CHST9: variants seen among roughly 807,000 people sequenced by gnomAD.
The protein encoded by CHST9 is carbohydrate sulfotransferase 9, also known as GalNAc-4-sulfotransferase 2.
CHST9 carries 41 observed loss-of-function variants against 44.4 expected under a neutral mutation model. That is an observed-to-expected ratio of 0.92 (90% CI 0.72 to 1.20). CHST9 has a LOEUF of 1.20. CHST9 is among the 50% of genes most tolerant of loss of function. The pLI is 0.00. For missense variants in CHST9, 504 were observed against 516.5 expected, an observed-to-expected ratio of 0.98 and a Z score of 0.23; for synonymous variants, 171 against 178.4, an observed-to-expected ratio of 0.96 and a Z score of 0.33.
At chr18:27,040,465 C>A (rs147018697) in intron 3 of CHST9, among the ~76,000 whole-genome samples, 26 of 152,246 alleles carry the variant, frequency 1.7e-4, no homozygotes, top group East Asian at 1.5e-3. Flanking sequence ...TGGTGTCCCC[C>A]ACAACAGGTA....
intron 2 of CHST9, among the ~76,000 whole-genome samples, chr18:27,115,900 C>T (rs2058315493): frequency 2.0e-5 from 3 of 152,182 alleles, no homozygotes. Flanking sequence ...ACTAACAATG[C>T]TGAACACCTT....
chr18:27,141,591 C>CAAA (rs34920055), intron 2 of CHST9, among the ~76,000 whole-genome samples: 168 of 49,922 alleles, frequency 3.4e-3, no homozygotes, highest in Middle Eastern at 0.019. Context: ...AATCCCGACT[C>CAAA]AAAAAAAAAA....
chr18:27,112,013 C>A (rs62082887), intron 2 of CHST9, among the ~76,000 whole-genome samples: 49,533 of 151,400 alleles, frequency 0.33, 8,405 homozygotes, highest in East Asian at 0.49. Flanking sequence ...CACTCCATAA[C>A]TGTTGTGAGC....
At chr18:26,938,166 C>G (rs1237176588) in intron 5 of CHST9, among the ~76,000 whole-genome samples, 1 of 152,036 alleles carries the variant, frequency 6.6e-6, no homozygotes, top group East Asian at 1.9e-4. Flanking sequence ...ATCTAGATAC[C>G]TTTCCACAGG....
At chr18:27,182,745 A>G (rs184593798) in intron 1 of CHST9, among the ~76,000 whole-genome samples, 158 of 152,302 alleles carry the variant, frequency 1.0e-3, no homozygotes, top group Non-Finnish European at 1.7e-3. Context: ...TCTGCTGATT[A>G]CATCCCAACT....
intron 2 of CHST9, among the ~76,000 whole-genome samples, chr18:27,054,716 C>A (rs920220532): frequency 3.3e-5 from 5 of 152,046 alleles, no homozygotes; most frequent in African/African-American, 1.2e-4. Flanking sequence ...ACATAAATGG[C>A]AATTTGATGC....
intron 4 of CHST9, among the ~76,000 whole-genome samples, chr18:26,967,620 T>G (rs974904432): frequency 3.3e-5 from 5 of 152,222 alleles, no homozygotes; most frequent in African/African-American, 4.8e-5. Context: ...GCAAGTATAT[T>G]CTATCGGTTA....
intron 2 of CHST9, among the ~76,000 whole-genome samples, chr18:27,133,853 G>A (rs534047464): frequency 6.6e-6 from 1 of 152,240 alleles, no homozygotes; most frequent in East Asian, 1.9e-4. Flanking sequence ...CGTGACATGG[G>A]AATAATCACA....
intron 1 of CHST9, among the ~76,000 whole-genome samples, chr18:27,184,661 G>A (rs1008714261): frequency 6.6e-6 from 1 of 152,136 alleles, no homozygotes; most frequent in Non-Finnish European, 1.5e-5. Context: ...CCGCAGCAGA[G>A]ATGCTCGTCT....
At position 26,917,025 on chromosome 18, in the gene CHST9, T is replaced by C. The variant is rs2055543001; in HGVS notation, c.566A>G (p.Tyr189Cys). The change falls in exon 6 of 6, where the codon TAC becomes TGC. Residue 189 changes from tyrosine (Y) to cysteine (C), a missense_variant. Tyr to Cys is a radical substitution (Grantham distance 194). Coordinates refer to ENST00000618847, the MANE Select transcript of CHST9 (RefSeq NM_031422.6). ...RSFLQEFCKK[Y>C]GGVSHHQSHL... is the part of the protein sequence containing the mutation. Reference sequence around the variant, plus strand: ...TGACTGATGATGACTCACCCCACCGTATTTCTTGCAAAACTCCTGAAGGAA... The same window carrying C: ...TGACTGATGATGACTCACCCCACCGCATTTCTTGCAAAACTCCTGAAGGAA... 6.2e-7 allele frequency: 1 copy of C among 1,613,986 alleles called. No homozygotes were observed. Among genetic ancestry groups the C allele is most frequent in the Non-Finnish European group, 8.5e-7 (1 of 1,179,890 alleles).
rs1360121351 is a variant in CHST9, at chr18:26,913,104, T to C, written c.*3155A>G. On this transcript the variant is annotated 3_prime_UTR_variant, in exon 6 of 6. Coordinates refer to ENST00000618847, the MANE Select transcript of CHST9 (RefSeq NM_031422.6). ...AGCAAGTGATTTTTTCAAAGGGCAC[T>C]CTAATATTCAAAATTCTCTGCATCT... 1 of 152,180 alleles carries C rather than the reference T, an allele frequency of 6.6e-6. No homozygotes were observed. Among genetic ancestry groups the C allele is most frequent in the Non-Finnish European group, 1.5e-5 (1 of 68,052 alleles). 9.4% of individuals were successfully genotyped at this position (152,180 alleles called of 1,614,324 possible). A position where few individuals can be genotyped will look rare whatever the true frequency, so the allele number is the denominator to read the frequency against.
chr18:27,150,695 A>G (rs1300827029), intron 1 of CHST9, among the ~76,000 whole-genome samples: 2 of 152,128 alleles, frequency 1.3e-5, no homozygotes, highest in Non-Finnish European at 2.9e-5. Context: ...ATATAAATAC[A>G]CTTGTCTTTC....
At chr18:26,985,479 T>A (rs2056743420) in intron 4 of CHST9, among the ~76,000 whole-genome samples, 1 of 152,170 alleles carries the variant, frequency 6.6e-6, no homozygotes, top group African/African-American at 2.4e-5. Flanking sequence ...CATGTGATTG[T>A]CCCAGTTTAC....
intron 4 of CHST9, among the ~76,000 whole-genome samples, chr18:26,983,480 C>G (rs1304190009): frequency 1.3e-5 from 2 of 152,112 alleles, no homozygotes; most frequent in South Asian, 2.1e-4. Flanking sequence ...ATGTGACATG[C>G]CTGCTCCCTC....
chr18:27,045,612 C>T (rs1020535842), intron 3 of CHST9, among the ~76,000 whole-genome samples: 2 of 151,940 alleles, frequency 1.3e-5, no homozygotes, highest in African/African-American at 4.8e-5. Flanking sequence ...ATATTCTTTA[C>T]CAAGCCAAAT....
At chr18:27,010,820 C>T (rs1044900407) in intron 4 of CHST9, among the ~76,000 whole-genome samples, 1 of 152,092 alleles carries the variant, frequency 6.6e-6, no homozygotes, top group Non-Finnish European at 1.5e-5. Context: ...CTAAGGGGCT[C>T]AGGACACCAG....
intron 2 of CHST9, among the ~76,000 whole-genome samples, chr18:27,093,425 T>A (rs2058087780): frequency 6.6e-6 from 1 of 152,226 alleles, no homozygotes; most frequent in African/African-American, 2.4e-5. Context: ...CTGGACGCTT[T>A]GTTTACCTAC....
chr18:26,997,608 T>A (rs538592883), intron 4 of CHST9, among the ~76,000 whole-genome samples: 5 of 152,156 alleles, frequency 3.3e-5, no homozygotes, highest in Non-Finnish European at 5.9e-5. Flanking sequence ...AGTTGGAAAC[T>A]TTTGATAAGG....
intron 3 of CHST9, among the ~76,000 whole-genome samples, chr18:27,035,821 T>A (rs1388271389): frequency 6.6e-6 from 1 of 152,106 alleles, no homozygotes; most frequent in Non-Finnish European, 1.5e-5. Context: ...TGACTATAGT[T>A]AACCACACTG....
Sources: gnomAD v4.1 joint callset for allele counts (sites outside exome capture counted in the v4.1 genomes callset) on GRCh38, gnomAD v4.1.1 for gene constraint, MANE v1.5 for transcripts, NCBI Gene and HGNC (gene_info 2026-07-23, HGNC 2026-07-21) for gene names.